MED27: variants seen among roughly 807,000 people sequenced by gnomAD.
The protein encoded by MED27 is mediator complex subunit 27.
Under a neutral mutation model 38.2 loss-of-function variants are expected in MED27, and 30 were observed. The observed-to-expected ratio is 0.79, with a 90% confidence interval of 0.59 to 1.07. The LOEUF (loss-of-function observed/expected upper bound fraction) is 1.07, where lower values mean the gene tolerates loss of function less well. Among genes scored for constraint, MED27 ranks in the 50% least tolerant of loss-of-function variants. MED27 has a pLI of 0.00. For missense variants in MED27, 289 were observed against 397.5 expected (o/e 0.73, Z 2.32); for synonymous variants, 122 against 153.5 (o/e 0.79, Z 1.52).
chr9:131,976,873 C>T (rs1038724015), intron 3 of MED27, among the ~76,000 whole-genome samples: 2 of 152,200 alleles, frequency 1.3e-5, no homozygotes, highest in African/African-American at 4.8e-5. Context: ...CAGATCATTA[C>T]GCTTTAAGAA....
chr9:131,869,718 G>A (rs1838797054), intron 6 of MED27, among the ~76,000 whole-genome samples: 2 of 152,194 alleles, frequency 1.3e-5, no homozygotes, highest in Admixed American at 1.3e-4. Context: ...TGGGGAGACA[G>A]GCCTCACAAA....
In MED27 at chr9:132,062,108, C is replaced by A. The variant is rs41463345; in HGVS notation, c.348+15334G>T. On this transcript the variant is annotated intron_variant, in intron 2 of 7. Transcript: ENST00000292035. ...ATGCTCCTACCTCCTCTCAAAAATA[C>A]GCCCAATTAAAGCTATCATATTGTC... Among the ~76,000 whole-genome samples, 5 of 152,178 alleles carry A rather than the reference C, an allele frequency of 3.3e-5. No homozygotes were observed. In the East Asian group the frequency reaches 9.6e-4, roughly 29 times the overall value.
At chr9:132,066,986 G>A (rs73557125) in intron 2 of MED27, among the ~76,000 whole-genome samples, 1 of 152,186 alleles carries the variant, frequency 6.6e-6, no homozygotes, top group Non-Finnish European at 1.5e-5. Context: ...ACCAAAATCT[G>A]AAAAAGTTAA....
chr9:131,994,591 G>A (rs1322690500), intron 3 of MED27, among the ~76,000 whole-genome samples: 2 of 152,160 alleles, frequency 1.3e-5, no homozygotes, highest in Non-Finnish European at 2.9e-5. Context: ...TTGCCACCAT[G>A]GTATCAGATG....
chr9:131,943,478 G>A (rs1589225456), intron 3 of MED27, among the ~76,000 whole-genome samples: 1 of 152,148 alleles, frequency 6.6e-6, no homozygotes, highest in Admixed American at 6.5e-5. Context: ...GCTCTGCAGT[G>A]CGGCGCCCCA....
chr9:131,977,701 T>C (rs770668099), intron 3 of MED27, among the ~76,000 whole-genome samples: 1 of 152,180 alleles, frequency 6.6e-6, no homozygotes, highest in Admixed American at 6.5e-5. Flanking sequence ...CAAAAATGAA[T>C]GGTCCTAGCC....
At chr9:131,885,442 G>T (rs1839123018) in intron 5 of MED27, among the ~76,000 whole-genome samples, 1 of 152,116 alleles carries the variant, frequency 6.6e-6, no homozygotes, top group Admixed American at 6.5e-5. Flanking sequence ...GCGGGCCCAA[G>T]AGCCTGTTCC....
chr9:131,996,810 A>G (rs1428034054), intron 3 of MED27, among the ~76,000 whole-genome samples: 1 of 152,220 alleles, frequency 6.6e-6, no homozygotes, highest in African/African-American at 2.4e-5. Flanking sequence ...GACCTTTATG[A>G]GGATCCACTT....
intron 4 of MED27, among the ~76,000 whole-genome samples, chr9:131,916,585 C>T (rs376854938): frequency 6.6e-6 from 1 of 152,164 alleles, no homozygotes. Context: ...AAGGCTAACG[C>T]TAATAATTTA....
chr9:131,930,906 T>TTTTG (rs1310263367), intron 4 of MED27, among the ~76,000 whole-genome samples: 1 of 152,152 alleles, frequency 6.6e-6, no homozygotes, highest in Non-Finnish European at 1.5e-5. Flanking sequence ...TTTGCCTTTT[T>TTTTG]TTTGTTTGTT....
chr9:131,888,893 T>C (rs1839183649), intron 5 of MED27, among the ~76,000 whole-genome samples: 1 of 152,160 alleles, frequency 6.6e-6, no homozygotes, highest in Non-Finnish European at 1.5e-5. Flanking sequence ...TTCTTCAACT[T>C]TTCACTTTCA....
At chr9:131,965,613 G>T (rs1375359803) in intron 3 of MED27, among the ~76,000 whole-genome samples, 4 of 152,248 alleles carry the variant, frequency 2.6e-5, no homozygotes, top group Admixed American at 1.3e-4. Flanking sequence ...TGTCACTTAT[G>T]GTTCAGAGCC....
At chr9:131,943,435 C>T (rs1482277741) in intron 3 of MED27, among the ~76,000 whole-genome samples, 1 of 152,144 alleles carries the variant, frequency 6.6e-6, no homozygotes, top group Non-Finnish European at 1.5e-5. Flanking sequence ...TGCTGCCTCC[C>T]GAGACGGTGA....
In MED27 at chr9:131,976,868, C is replaced by A. The variant is rs552611251; in HGVS notation, c.480-37394G>T. On this transcript the variant is annotated intron_variant, in intron 3 of 7. Transcript: ENST00000292035. The stretch of plus-strand genomic sequence containing the variant: ...AATCAGGAAAGACTGAAAAACAGAT[C>A]ATTACGCTTTAAGAACACTATAATT... Among the ~76,000 whole-genome samples, 3 of 152,340 alleles carry A rather than the reference C, an allele frequency of 2.0e-5. No homozygotes were observed. In the East Asian group the frequency reaches 5.8e-4, roughly 29 times the overall value.
rs562676073 is a variant in MED27, at chr9:131,970,504, G to A, written c.480-31030C>T. Among the ~76,000 whole-genome samples the A allele has an allele frequency of 8.5e-5, 13 of 152,306 alleles. No homozygotes were observed. The South Asian group carries it at 1.0e-3, about 12-fold the overall frequency. ...CTACAAGAGAAAACAAGGTGAACCCGAACAGGACAGTCCACACCACGAAAC... is the reference window on the plus strand; with the variant it reads ...CTACAAGAGAAAACAAGGTGAACCCAAACAGGACAGTCCACACCACGAAAC... On this transcript the variant is annotated intron_variant, in intron 3 of 7. Transcript: ENST00000292035.
chr9:131,887,568 T>C (rs536857533), intron 5 of MED27, among the ~76,000 whole-genome samples: 1 of 152,276 alleles, frequency 6.6e-6, no homozygotes, highest in South Asian at 2.1e-4. Flanking sequence ...GCCAGGAAGA[T>C]TTCAGAAATT....
chr9:131,893,172 C>G (rs960883677), intron 5 of MED27, among the ~76,000 whole-genome samples: 4 of 152,090 alleles, frequency 2.6e-5, no homozygotes, highest in African/African-American at 9.7e-5. Context: ...GGAAAGGCTC[C>G]CGATGGGGTG....
rs1044009837 is a variant in MED27 at position 131,880,354 on chromosome 9, G to A, written c.723+3704C>T. Among the ~76,000 whole-genome samples the A allele has an allele frequency of 2.6e-5, 4 of 152,212 alleles. No homozygotes were observed. In the East Asian group the frequency reaches 7.7e-4, roughly 29 times the overall value. ...AGACATTTTAGTTAGGAAGAGAGAG[G>A]ACTCACTAATTTAATTCTTACTTGT... On this transcript the variant is annotated intron_variant, in intron 6 of 7. Transcript: ENST00000292035.
intron 2 of MED27, among the ~76,000 whole-genome samples, chr9:132,041,077 G>T (rs1015151086): frequency 6.6e-6 from 1 of 152,184 alleles, no homozygotes; most frequent in African/African-American, 2.4e-5. Context: ...AGAGCAGAAG[G>T]GAAGAACAAG....
Sources: allele counts gnomAD v4.1 joint callset (sites outside exome capture counted in the v4.1 genomes callset), GRCh38; gene constraint gnomAD v4.1.1; transcripts MANE v1.5; gene names NCBI Gene and HGNC (gene_info 2026-07-23, HGNC 2026-07-21).